Variants in ANK2 observed in about 807,000 individuals in gnomAD.
ANK2 encodes the protein ankyrin-2.
ANK2 carries 83 observed loss-of-function variants against 360.5 expected under a neutral mutation model. The observed-to-expected ratio is 0.23, with a 90% CI of 0.19 to 0.28. The LOEUF (loss-of-function observed/expected upper bound fraction) is 0.28, where lower values mean the gene tolerates loss of function less well. Among genes scored for constraint, ANK2 ranks in the 10% least tolerant of loss-of-function variants. ANK2 has a pLI of 1.00. For missense variants in ANK2, 4,201 were observed against 4,795.7 expected (o/e 0.88, Z 3.66); for synonymous variants, 1,740 against 1,759.5 (o/e 0.99, Z 0.28).
intron 1 of ANK2, among the ~76,000 whole-genome samples, chr4:113,067,055 T>C (rs1052813040): frequency 2.0e-5 from 3 of 152,028 alleles, no homozygotes; most frequent in African/African-American, 7.2e-5. Flanking sequence ...GATGACTGTA[T>C]CTCATGTTTA....
At chr4:112,919,878 C>T (rs1263003297) in intron 2 of ANK2, among the ~76,000 whole-genome samples, 1 of 151,892 alleles carries the variant, frequency 6.6e-6, no homozygotes, top group Non-Finnish European at 1.5e-5. Context: ...ATCTGTCAGC[C>T]TAACTATAGC....
At chr4:113,006,041 T>A (rs550492607) in intron 2 of ANK2, among the ~76,000 whole-genome samples, 1 of 152,174 alleles carries the variant, frequency 6.6e-6, no homozygotes, top group African/African-American at 2.4e-5. Context: ...TAAATAAACC[T>A]TTTTTCCTTT....
At chr4:112,902,944 C>T (rs531921151) in intron 1 of ANK2, among the ~76,000 whole-genome samples, 12 of 152,244 alleles carry the variant, frequency 7.9e-5, no homozygotes, top group Non-Finnish European at 5.9e-5. Flanking sequence ...GGGCTATTCC[C>T]GGGAGTTCAG....
the ANK2 span, among the ~76,000 whole-genome samples, chr4:112,706,427 T>C: frequency 6.6e-6 from 1 of 152,016 alleles, no homozygotes; most frequent in Non-Finnish European, 1.5e-5. Context: ...CACACGCAGA[T>C]AGCCCTAGAA....
rs1177283214 is a variant in ANK2, at chr4:113,282,748, G to A, written c.1955G>A (p.Gly652Glu). 1.2e-6 allele frequency: 2 copies of A among 1,613,806 alleles called. No individual in the cohort carries two copies. The highest frequency in any genetic ancestry group is 1.3e-5 in the African/African-American group (1 of 74,918). The change falls in exon 18 of 46, where the codon GGA becomes GAA. Residue 652 changes from glycine (G) to glutamate (E), a missense_variant. By Grantham distance (98) the Gly-to-Glu change is moderately conservative. Coordinates refer to ENST00000357077, the MANE Select transcript of ANK2 (RefSeq NM_001148.6). ...ATAGCTTCCACACTCCTGAACTATG[G>A]AGCAGAGACAAACATTGTGACAAAG... ...MQIASTLLNY[G>E]AETNIVTKQG...
In ANK2 at chr4:113,260,501, G is replaced by A. The variant is rs29418; in HGVS notation, c.1386+2090G>A. Among the ~76,000 whole-genome samples the A allele has an allele frequency of 1.1e-3, 166 of 152,168 alleles. 2 individuals are homozygous for A. Among genetic ancestry groups the A allele is most frequent in the African/African-American group, 3.8e-3 (158 of 41,522 alleles). ...AGGGGCACATGCCAATATAATTTCC[G>A]TGTTTTCTAGTTATGTTTTGTAAGG... On this transcript the variant is annotated intron_variant, in intron 13 of 45. Coordinates refer to ENST00000357077, the MANE Select transcript of ANK2 (RefSeq NM_001148.6).
intron 1 of ANK2, among the ~76,000 whole-genome samples, chr4:113,171,775 G>T (rs2097963763): frequency 6.6e-6 from 1 of 152,136 alleles, no homozygotes. Context: ...AAAACTTTTT[G>T]TTACTCTATA....
At chr4:112,904,089 A>G (rs912603886) in intron 1 of ANK2, among the ~76,000 whole-genome samples, 1 of 152,212 alleles carries the variant, frequency 6.6e-6, no homozygotes, top group Non-Finnish European at 1.5e-5. Flanking sequence ...TTGGTCAGCA[A>G]TTTCAGCCAA....
At chr4:112,998,313 A>G (rs183268296) in intron 2 of ANK2, among the ~76,000 whole-genome samples, 17 of 152,166 alleles carry the variant, frequency 1.1e-4, no homozygotes, top group Admixed American at 2.6e-4. Flanking sequence ...GTACAATTCA[A>G]AAGAGATTTG....
the ANK2 span, among the ~76,000 whole-genome samples, chr4:112,780,896 A>C: frequency 1.3e-5 from 2 of 152,266 alleles, no homozygotes; most frequent in Non-Finnish European, 2.9e-5. Context: ...GATTTGGGTG[A>C]GGACACAAAG....
chr4:113,305,714 TTTATGAAACCTGC>T (rs1563601089), intron 23 of ANK2, among the ~76,000 whole-genome samples: 1 of 152,236 alleles, frequency 6.6e-6, no homozygotes, highest in Non-Finnish European at 1.5e-5. Flanking sequence ...TTAATATGTT[TTTATGAAACCTGC>T]TATCATCCAC....
intron 10 of ANK2, among the ~76,000 whole-genome samples, chr4:113,252,743 T>C (rs1586194408): frequency 1.3e-5 from 2 of 152,202 alleles, no homozygotes; most frequent in South Asian, 4.1e-4. Context: ...ACAAATTTCA[T>C]AGTCATTTAT....
intron 2 of ANK2, among the ~76,000 whole-genome samples, chr4:113,022,356 T>A (rs1458912195): frequency 6.6e-6 from 1 of 152,170 alleles, no homozygotes; most frequent in Non-Finnish European, 1.5e-5. Context: ...ATCTACATCA[T>A]ATTTGGTACG....
chr4:112,893,696 C>G (rs2080871633), intron 1 of ANK2, among the ~76,000 whole-genome samples: 1 of 152,106 alleles, frequency 6.6e-6, no homozygotes, highest in Admixed American at 6.6e-5. Flanking sequence ...GATATAGTTA[C>G]TTACTCAAGG....
chr4:112,824,860 C>T (rs1481222292), intron 1 of ANK2, among the ~76,000 whole-genome samples: 1 of 152,106 alleles, frequency 6.6e-6, no homozygotes, highest in Non-Finnish European at 1.5e-5. Flanking sequence ...AATTCTATTG[C>T]ATGGCAACCA....
intron 2 of ANK2, among the ~76,000 whole-genome samples, chr4:112,961,365 T>G (rs1255601851): frequency 6.6e-6 from 1 of 152,184 alleles, no homozygotes; most frequent in African/African-American, 2.4e-5. Flanking sequence ...AATTATTTAT[T>G]GTTTCTATCT....
At chr4:113,138,573 T>C (rs925945639) in intron 1 of ANK2, among the ~76,000 whole-genome samples, 12 of 152,218 alleles carry the variant, frequency 7.9e-5, no homozygotes, top group African/African-American at 2.4e-4. Context: ...TGCCTGGAAG[T>C]GTATTTTCAA....
rs1331479856 is a variant in ANK2 at position 113,216,892 on chromosome 4, T to A, written c.385-15269T>A. ...GATTTTTAAGGCAGTTCAAACACTA[T>A]TTTTTTTTTTAAAGGAAAGGCTTGC... On this transcript the variant is annotated intron_variant, in intron 4 of 45. Transcript: ENST00000357077. Among the ~76,000 whole-genome samples, 3 of 104,344 alleles carry A rather than the reference T, an allele frequency of 2.9e-5. No individual in the cohort carries two copies. In the East Asian group the frequency reaches 1.1e-3, roughly 37 times the overall value. 68.5% of individuals were successfully genotyped at this position (104,344 alleles called of 152,430 possible).
chr4:112,740,224 G>A, the ANK2 span, among the ~76,000 whole-genome samples: 5 of 151,834 alleles, frequency 3.3e-5, no homozygotes, highest in Admixed American at 2.6e-4. Context: ...TTTTTTATTA[G>A]CATTATTTAT....
Sources: allele counts gnomAD v4.1 joint callset (sites outside exome capture counted in the v4.1 genomes callset), GRCh38; gene constraint gnomAD v4.1.1; transcripts MANE v1.5; gene names NCBI Gene and HGNC (gene_info 2026-07-23, HGNC 2026-07-21).